ODAD4: variants seen among roughly 807,000 people sequenced by gnomAD.
ODAD4 encodes outer dynein arm docking complex subunit 4.
Under a neutral mutation model 51.8 loss-of-function variants are expected in ODAD4, and 49 were observed. The ratio of observed to expected loss-of-function variants is 0.95; its 90% confidence interval spans 0.75 to 1.20. The LOEUF (loss-of-function observed/expected upper bound fraction) is 1.20. Among genes scored for constraint, ODAD4 ranks in the 50% most tolerant of loss-of-function variants. The pLI is 0.00. For missense variants in ODAD4, 590 were observed against 586.5 expected (o/e 1.01, Z -0.06); for synonymous variants, 235 against 221.3 (o/e 1.06, Z -0.55).
rs190186331 is a variant in ODAD4 at position 41,936,291 on chromosome 17, T to C, written c.398-182T>C. ...GCCATAGCCTTGGGCTAGCGGGGGC[T>C]GTTAGCTCCTAGGAGTTATACCAAA... On this transcript the variant is annotated intron_variant, in intron 3 of 11. Coordinates refer to ENST00000377540, the MANE Select transcript of ODAD4 (RefSeq NM_031421.5). Among the ~76,000 whole-genome samples the C allele has an allele frequency of 2.0e-3, 310 of 152,312 alleles. 2 individuals are homozygous for C. The highest frequency in any genetic ancestry group is 8.5e-3 in the Admixed American group (130 of 15,302).
Position 41,938,975 on chromosome 17 carries a change from T to A in ODAD4, c.861T>A (p.Ser287Arg). The A allele has an allele frequency of 6.2e-7, 1 of 1,609,870 alleles. No individual in the cohort carries two copies. Among genetic ancestry groups the A allele is most frequent in the Non-Finnish European group, 8.5e-7 (1 of 1,177,984 alleles). The change falls in exon 7 of 12, where the codon AGT (serine) becomes AGA (arginine). Residue 287 changes from serine (S) to arginine (R), a missense_variant. Around this residue, in one of 3 missense-constraint regions of ODAD4, gnomAD observed 360 missense variants for 407.5 expected, o/e 0.88. Transcript: ENST00000377540. The part of the protein sequence containing the change: ...SLEDIDMLLT[S>R]GSAEGSLQKA... The stretch of plus-strand genomic sequence containing the variant: ...CCTTTCCTTTCTCAGTGCTCACAAG[T>A]GGCAGTGCTGAAGGGAGTCTTCAGA...
intron 2 of ODAD4, 67 bp from the exon 3 acceptor site, chr17:41,935,527 CTTCTG>C: frequency 1.3e-6 from 2 of 1,551,296 alleles, no homozygotes. Context: ...ACCCAGGACC[CTTCTG>C]TTCCACCACA....
In ODAD4 at chr17:41,935,756, G is replaced by A. The variant is rs2050417358; in HGVS notation, c.397+7G>A. The A allele has an allele frequency of 1.9e-6, 3 of 1,613,562 alleles. No homozygotes were observed. Among genetic ancestry groups the A allele is most frequent in the Non-Finnish European group, 2.5e-6 (3 of 1,179,744 alleles). On this transcript the variant is annotated splice_region_variant and intron_variant, in intron 3 of 11. Coordinates refer to ENST00000377540, the MANE Select transcript of ODAD4 (RefSeq NM_031421.5). ...ATCAACAACTCAGTGGGAAGTGAGT[G>A]ACCACAGGGCCTATGCCCTTATCCA...
chr17:41,955,720 A>C (rs546959256), intron 10 of ODAD4, among the ~76,000 whole-genome samples: 1 of 152,174 alleles, frequency 6.6e-6, no homozygotes, highest in East Asian at 1.9e-4. Flanking sequence ...CACTGTGCCC[A>C]GCCAGAAACA....
intron 9 of ODAD4, among the ~76,000 whole-genome samples, chr17:41,949,993 G>A (rs1003000124): frequency 3.9e-4 from 59 of 151,056 alleles, no homozygotes; most frequent in African/African-American, 1.1e-3. Context: ...TTTTTGAGAC[G>A]AAGTCTCACT....
chr17:41,943,076 G>C (rs1316189180), intron 7 of ODAD4, among the ~76,000 whole-genome samples: 2 of 152,036 alleles, frequency 1.3e-5, no homozygotes, highest in Admixed American at 6.6e-5. Flanking sequence ...GCTTGAACCA[G>C]AACTGCGTGG....
rs782179293 is a variant in ODAD4, at chr17:41,965,444, G to GA, written c.1987dup (p.Thr663AsnfsTer4). 7.8e-6 allele frequency: 6 copies of GA among 766,270 alleles called. No homozygotes were observed. The highest frequency in any genetic ancestry group is 1.4e-5 in the Non-Finnish European group (6 of 414,260). The allele number at this position is 766,270 out of a possible 1,614,324, so 47.5% of individuals were successfully genotyped here. A position where few individuals can be genotyped will look rare whatever the true frequency, so the allele number is the denominator to read the frequency against. On this transcript the variant is annotated frameshift_variant, in exon 12 of 12. Transcript: ENST00000377540. LOFTEE classifies it low-confidence loss of function (END_TRUNC). ...CACAATTTGGAGAAATAGGAGAAAC[G>GA]AAAAAAACAGGAAATGAGATGGAAA...
At chr17:41,950,663 A>G (rs1205642785) in intron 9 of ODAD4, among the ~76,000 whole-genome samples, 1 of 152,088 alleles carries the variant, frequency 6.6e-6, no homozygotes, top group African/African-American at 2.4e-5. Context: ...GGTGTGAGCC[A>G]CTGCGCCTGG....
intron 5 of ODAD4, 59 bp from the exon 6 acceptor site, chr17:41,938,498 G>C: frequency 6.9e-7 from 1 of 1,443,748 alleles, no homozygotes; most frequent in Non-Finnish European, 9.6e-7. Context: ...GAGGAAACAG[G>C]AGGCAAATCC....
chr17:41,954,932 A>G (rs2050708594), intron 9 of ODAD4: 1 of 463,512 alleles, frequency 2.2e-6, no homozygotes, highest in Admixed American at 3.2e-5. Flanking sequence ...CTCTGGAGAC[A>G]TATGATGTAT....
At chr17:41,954,978 A>G (rs1315199410) in intron 9 of ODAD4, 1 of 617,134 alleles carries the variant, frequency 1.6e-6, no homozygotes, top group East Asian at 3.3e-5. Flanking sequence ...TCTCTCACCA[A>G]CGCCTTTGAA....
intron 7 of ODAD4, among the ~76,000 whole-genome samples, chr17:41,941,546 G>A (rs1042347766): frequency 4.6e-5 from 7 of 152,092 alleles, no homozygotes; most frequent in Admixed American, 6.6e-5. Flanking sequence ...GGTGGATCAC[G>A]AGGTCAGGAG....
intron 8 of ODAD4, among the ~76,000 whole-genome samples, chr17:41,947,064 G>T (rs1447112461): frequency 2.0e-5 from 3 of 151,218 alleles, no homozygotes; most frequent in African/African-American, 7.3e-5. Context: ...TGGTCAGGCT[G>T]GTCTCCAACT....
rs189510433 is a variant in ODAD4 at position 41,953,717 on chromosome 17, G to A, written c.1343-1500G>A. Among the ~76,000 whole-genome samples, 338 of 152,100 alleles carry A rather than the reference G, an allele frequency of 2.2e-3. 4 individuals carry two copies. Among genetic ancestry groups the A allele is most frequent in the Non-Finnish European group, 3.2e-3 (220 of 67,998 alleles). ...GGGTCTCACTCTGTCACCCAGGCTG[G>A]AGTGCAGCAGTGCAATCTGGGCTCA... On this transcript the variant is annotated intron_variant, in intron 9 of 11. Transcript: ENST00000377540.
At chr17:41,936,219 A>G (rs961886946) in intron 3 of ODAD4, among the ~76,000 whole-genome samples, 2 of 152,168 alleles carry the variant, frequency 1.3e-5, no homozygotes, top group Admixed American at 1.3e-4. Context: ...CTGGAAATGG[A>G]CAGTTTCCCC....
In ODAD4 at chr17:41,965,405, A is replaced by C; in HGVS notation, c.1941A>C (p.Glu647Asp). ...CAGAAGTGGGCAGAAGAGAGCCAGA[A>C]GAACTGGGAAAAACACAATTTGGAG... is the stretch of plus-strand genomic sequence containing the variant. The part of the protein sequence containing the change: ...KLSEVGRREP[E>D]ELGKTQFGEI... Residue 647 changes from glutamate (E) to aspartate (D), a missense_variant, in exon 12 of 12, where the codon GAA becomes GAC. Around this residue, in one of 3 missense-constraint regions of ODAD4, gnomAD observed 226 missense variants for 162.7 expected, o/e 1.39. Transcript: ENST00000377540. 1 of 779,862 alleles carries C rather than the reference A, an allele frequency of 1.3e-6. No individual in the cohort carries two copies. The highest frequency in any genetic ancestry group is 1.3e-5 in the South Asian group (1 of 74,306). 48.3% of individuals were successfully genotyped at this position (779,862 alleles called of 1,614,324 possible).
At chr17:41,950,354 C>A (rs894574458) in intron 9 of ODAD4, among the ~76,000 whole-genome samples, 1 of 151,546 alleles carries the variant, frequency 6.6e-6, no homozygotes, top group Non-Finnish European at 1.5e-5. Context: ...ACAGAGAGGT[C>A]CAGTAGACTC....
At chr17:41,932,320 C>T (rs575962449) in intron 1 of ODAD4, among the ~76,000 whole-genome samples, 61 of 152,220 alleles carry the variant, frequency 4.0e-4, no homozygotes, top group African/African-American at 1.4e-3. Context: ...CCCCCCCCAC[C>T]TCAGCCTCCC....
rs369705953 is a variant in ODAD4, at chr17:41,959,920, C to T, written c.1444-1462C>T. Among the ~76,000 whole-genome samples the T allele has an allele frequency of 7.9e-5, 12 of 152,324 alleles. No individual in the cohort carries two copies. The East Asian group carries it at 9.6e-4, about 12-fold the overall frequency. On this transcript the variant is annotated intron_variant, in intron 10 of 11. Coordinates refer to ENST00000377540, the MANE Select transcript of ODAD4 (RefSeq NM_031421.5). Reference sequence around the variant, plus strand: ...GCGCAGTCTATCCTCTGCCACCATACGGCCCAGGGAAGCCCAGGCCTAGCA... The same window carrying T: ...GCGCAGTCTATCCTCTGCCACCATATGGCCCAGGGAAGCCCAGGCCTAGCA...
Sources: gnomAD v4.1 joint callset for allele counts (sites outside exome capture counted in the v4.1 genomes callset) on GRCh38, gnomAD v4.1.1 for gene constraint, gnomAD v4.1.1 regional missense constraint, MANE v1.5 for transcripts, NCBI Gene and HGNC (gene_info 2026-07-23, HGNC 2026-07-21) for gene names.